The following THOC2 variants were observed in gnomAD, a reference collection of about 807,000 sequenced individuals.
The protein encoded by THOC2 is THO complex subunit 2, also known as THO complex 2.
In THOC2, 10 loss-of-function variants were observed where a neutral mutation model predicts 128.4. The ratio of observed to expected loss-of-function variants is 0.08; its 90% CI spans 0.05 to 0.13. The LOEUF is 0.13. Ranked by LOEUF, THOC2 falls within the 10% of genes least tolerant of loss-of-function variation. The pLI is 1.00. For missense variants in THOC2, 535 were observed against 1,155.7 expected, an observed-to-expected ratio of 0.46 and a Z score of 7.79; for synonymous variants, 393 against 396.9, an observed-to-expected ratio of 0.99 and a Z score of 0.12.
chrX:123,694,157 T>C (rs1466924271), intron 7 of THOC2, among the ~76,000 whole-genome samples: 1 of 107,019 alleles, frequency 9.3e-6, no homozygotes, highest in Non-Finnish European at 1.9e-5. Flanking sequence ...AAAAAGGATA[T>C]AAAGTTAAAA....
intron 12 of THOC2, among the ~76,000 whole-genome samples, chrX:123,661,843 A>T (rs889013591): frequency 8.9e-6 from 1 of 111,922 alleles, no homozygotes; most frequent in African/African-American, 3.2e-5. Flanking sequence ...TATTTAAAAA[A>T]TTAGCCAGGC....
Position 123,706,334 on chromosome X carries a change from T to C in THOC2, c.222+524A>G, listed in dbSNP as rs1232114850. Among the ~76,000 whole-genome samples the C allele has an allele frequency of 4.5e-5, 5 of 111,825 alleles. No homozygotes were observed. The East Asian group carries it at 1.1e-3, about 25-fold the overall frequency. ...AAAATATTTTAGCCAATTTACTTTT[T>C]TAGAGTGGCATTTTTTATTAAGGAC... On this transcript the variant is annotated intron_variant, in intron 3 of 38. Coordinates refer to ENST00000245838, the MANE Select transcript of THOC2 (RefSeq NM_001081550.2).
At position 123,682,454 on chromosome X, in the gene THOC2, C is replaced by T. The variant is rs765029734; in HGVS notation, c.768+4094G>A. On this transcript the variant is annotated intron_variant, in intron 8 of 38. Transcript: ENST00000245838. ...CATCCACACTGACCTCCTTACTGTT[C>T]TTCAACACATCAGGCATGCTCACAC... is the stretch of plus-strand genomic sequence containing the variant. 1.3e-4 allele frequency among the ~76,000 whole-genome samples: 15 copies of T among 111,941 alleles called. No individual in the cohort carries two copies. The South Asian group carries it at 5.7e-3, about 42-fold the overall frequency.
chrX:123,698,207 C>T (rs1363688541), intron 4 of THOC2, among the ~76,000 whole-genome samples: 1 of 111,868 alleles, frequency 8.9e-6, no homozygotes, highest in Non-Finnish European at 1.9e-5. Flanking sequence ...CGCCTGCAAT[C>T]CCAGCACTTT....
At chrX:123,641,891 T>C (rs2047927620) in intron 15 of THOC2, among the ~76,000 whole-genome samples, 1 of 112,127 alleles carries the variant, frequency 8.9e-6, no homozygotes. Context: ...ATACATTATA[T>C]GCTCAATGTA....
chrX:123,696,780 C>T lies in THOC2; in HGVS notation c.408G>A (p.Gly136=), dbSNP rs755570527. The change falls in exon 6 of 39, where the codon GGG becomes GGA. Residue 136 remains glycine (G), a synonymous_variant. Transcript: ENST00000245838. ...RLDPETLESL[G]LIKQSQQFNQ... ...TGAATTGCTGTGATTGTTTGATAAG[C>T]CCTAATGATTCCAGTGTTTCTGGAT... is the stretch of plus-strand genomic sequence containing the variant. The T allele has an allele frequency of 1.7e-5, 20 of 1,198,811 alleles. No individual in the cohort carries two copies. The highest frequency in any genetic ancestry group is 1.9e-5 in the Non-Finnish European group (17 of 886,784).
chrX:123,663,579 T>C (rs2048926208), intron 12 of THOC2, among the ~76,000 whole-genome samples: 1 of 108,902 alleles, frequency 9.2e-6, no homozygotes, highest in African/African-American at 3.3e-5. Flanking sequence ...GGATAGTAAC[T>C]AGAATGCAGC....
chrX:123,666,281 A>T (rs1363552850), intron 11 of THOC2, among the ~76,000 whole-genome samples: 2 of 112,325 alleles, frequency 1.8e-5, no homozygotes, highest in Non-Finnish European at 3.8e-5. Flanking sequence ...AAGTCAACTG[A>T]CATTTCTCAA....
At chrX:123,602,590 A>T (rs1194375724) in intron 38 of THOC2, 2 of 112,195 alleles carry the variant, frequency 1.8e-5, no homozygotes, top group Non-Finnish European at 1.9e-5. Flanking sequence ...AAGAACTGGG[A>T]GTGACTGCTA....
chrX:123,611,578 C>T lies in THOC2; in HGVS notation c.4678-62G>A, dbSNP rs938394395. ...GCCAAATATAAAAGCCAGCTCAAAA[C>T]CCCTTTTCATCACCCGCGAGCTATA... On this transcript the variant is annotated intron_variant, in intron 36 of 38. Transcript: ENST00000245838. The T allele has an allele frequency of 3.4e-5, 25 of 741,189 alleles. No individual in the cohort carries two copies. In the Middle Eastern group the frequency reaches 8.7e-4, roughly 26 times the overall value. 61.1% of individuals were successfully genotyped at this position (741,189 alleles called of 1,213,427 possible).
intron 33 of THOC2, among the ~76,000 whole-genome samples, chrX:123,617,896 C>G (rs1410285051): frequency 9.0e-6 from 1 of 111,368 alleles, no homozygotes; most frequent in African/African-American, 3.2e-5. Flanking sequence ...TACTATATTG[C>G]AGTATATATT....
intron 12 of THOC2, among the ~76,000 whole-genome samples, chrX:123,653,028 C>G (rs2048422612): frequency 8.9e-6 from 1 of 111,871 alleles, no homozygotes; most frequent in Non-Finnish European, 1.9e-5. Flanking sequence ...AACTATACTA[C>G]AAGGCTACAG....
At chrX:123,692,703 T>C (rs973016382) in intron 7 of THOC2, among the ~76,000 whole-genome samples, 1 of 110,456 alleles carries the variant, frequency 9.1e-6, no homozygotes, top group Non-Finnish European at 1.9e-5. Flanking sequence ...GGTTTTACCA[T>C]GTTGGCCAGG....
At chrX:123,727,236 AT>A (rs2148001110) in intron 1 of THOC2, among the ~76,000 whole-genome samples, 1 of 110,470 alleles carries the variant, frequency 9.1e-6, no homozygotes, top group African/African-American at 3.3e-5. Flanking sequence ...TTAAAAATAA[AT>A]TTTTTAATAA....
chrX:123,721,735 G>A (rs1311989161), intron 1 of THOC2, among the ~76,000 whole-genome samples: 3 of 106,962 alleles, frequency 2.8e-5, no homozygotes, highest in East Asian at 3.0e-4. Flanking sequence ...GCAGTGAGCC[G>A]AGATCACACC....
chrX:123,688,952 ACT>A (rs1223190652), intron 7 of THOC2, among the ~76,000 whole-genome samples: 4 of 111,771 alleles, frequency 3.6e-5, no homozygotes, highest in Non-Finnish European at 5.6e-5. Flanking sequence ...ATGAATTAAC[ACT>A]CTATCACAGA....
At chrX:123,684,001 T>C (rs1311905698) in intron 8 of THOC2, among the ~76,000 whole-genome samples, 2 of 110,732 alleles carry the variant, frequency 1.8e-5, no homozygotes, top group Non-Finnish European at 3.8e-5. Flanking sequence ...TAAGTATTTA[T>C]TGGGTAAGTA....
At chrX:123,688,812 A>G (rs2050110428) in intron 7 of THOC2, among the ~76,000 whole-genome samples, 1 of 112,169 alleles carries the variant, frequency 8.9e-6, no homozygotes, top group Admixed American at 9.5e-5. Flanking sequence ...AAGCCTCAAC[A>G]AAGATGAAAA....
intron 1 of THOC2, among the ~76,000 whole-genome samples, chrX:123,721,998 A>G (rs1291368393): frequency 1.8e-5 from 2 of 111,968 alleles, no homozygotes; most frequent in Non-Finnish European, 3.8e-5. Flanking sequence ...AAAGCAAACT[A>G]TGGTTTTTAA....
Sources: allele counts gnomAD v4.1 joint callset (sites outside exome capture counted in the v4.1 genomes callset), GRCh38; gene constraint gnomAD v4.1.1; transcripts MANE v1.5; gene names NCBI Gene and HGNC (gene_info 2026-07-23, HGNC 2026-07-21).